PRUNE2: variants seen among roughly 807,000 people sequenced by gnomAD.
The protein encoded by PRUNE2 is prune homolog 2 with BCH domain.
A neutral mutation model predicts 252.0 loss-of-function variants in PRUNE2; 164 were observed. The observed-to-expected ratio is 0.65, with a 90% CI of 0.57 to 0.74. PRUNE2 has a LOEUF of 0.74. Among genes scored for constraint, PRUNE2 ranks in the 30% least tolerant of loss-of-function variants. The pLI is 0.00. For missense variants in PRUNE2, 3,495 were observed against 3,711.0 expected, an observed-to-expected ratio of 0.94 and a Z score of 1.51; for synonymous variants, 1,292 against 1,350.2, an observed-to-expected ratio of 0.96 and a Z score of 0.94.
At chr9:76,838,665 A>C (rs994123124) in intron 4 of PRUNE2, among the ~76,000 whole-genome samples, 3 of 144,970 alleles carry the variant, frequency 2.1e-5, no homozygotes, top group Admixed American at 1.4e-4. Flanking sequence ...AAAAAAAAAA[A>C]AAAACAAATA....
intron 4 of PRUNE2, among the ~76,000 whole-genome samples, chr9:76,845,909 A>C (rs1181245395): frequency 6.6e-6 from 1 of 152,236 alleles, no homozygotes; most frequent in Non-Finnish European, 1.5e-5. Flanking sequence ...CTTTGGAAGC[A>C]GGTGGCTCCA....
At chr9:76,730,410 AT>A (rs2048461447) in intron 6 of PRUNE2, among the ~76,000 whole-genome samples, 1 of 152,230 alleles carries the variant, frequency 6.6e-6, no homozygotes, top group Admixed American at 6.5e-5. Flanking sequence ...TAACCCACGC[AT>A]CTGTAACTTA....
At position 76,613,399 on chromosome 9, in the gene PRUNE2, GT is replaced by G. The variant is rs1457245894; in HGVS notation, c.*1170del. The G allele has an allele frequency of 6.6e-6, 1 of 152,172 alleles. No homozygotes were observed. Among genetic ancestry groups the G allele is most frequent in the African/African-American group, 2.4e-5 (1 of 41,442 alleles). 9.4% of individuals were successfully genotyped at this position (152,172 alleles called of 1,614,324 possible). A position where few individuals can be genotyped will look rare whatever the true frequency, so the allele number is the denominator to read the frequency against. On this transcript the variant is annotated 3_prime_UTR_variant, in exon 19 of 19. Coordinates refer to ENST00000376718, the MANE Select transcript of PRUNE2 (RefSeq NM_015225.3). Reference sequence around the variant, plus strand: ...GTAGCTGTAGACAGTACAAAAACAAGTTTGTGTGGCTGTGTTTCAGTACCAC... The same window carrying G: ...GTAGCTGTAGACAGTACAAAAACAAGTTGTGTGGCTGTGTTTCAGTACCAC...
At chr9:76,735,560 G>A (rs959579346) in intron 6 of PRUNE2, among the ~76,000 whole-genome samples, 2 of 151,840 alleles carry the variant, frequency 1.3e-5, no homozygotes, top group African/African-American at 4.8e-5. Context: ...AATAGCAGGA[G>A]TAACTGGAAG....
Position 76,865,271 on chromosome 9 carries a change from C to T in PRUNE2, c.37-11063G>A, listed in dbSNP as rs114107741. Reference sequence around the variant, plus strand: ...ACTGTGAAAGGCTGAGGCAGGAGGACTGCTTGAGGTCAGGAGTTCGAGACC... The same window carrying T: ...ACTGTGAAAGGCTGAGGCAGGAGGATTGCTTGAGGTCAGGAGTTCGAGACC... On this transcript the variant is annotated intron_variant, in intron 1 of 18. Transcript: ENST00000376718. 4.3e-3 allele frequency among the ~76,000 whole-genome samples: 662 copies of T among 152,262 alleles called. 2 individuals carry two copies. The highest frequency in any genetic ancestry group is 0.015 in the African/African-American group (633 of 41,552).
At chr9:76,733,777 A>T (rs1235375670) in intron 6 of PRUNE2, 1 of 152,146 alleles carries the variant, frequency 6.6e-6, no homozygotes, top group African/African-American at 2.4e-5. Flanking sequence ...AGGTAAGATA[A>T]TTAATTAATT....
intron 6 of PRUNE2, chr9:76,778,677 A>G (rs1465176059): frequency 6.6e-6 from 1 of 152,244 alleles, no homozygotes; most frequent in Non-Finnish European, 1.5e-5. Context: ...ACACAGTATG[A>G]TCTATAAAGT....
chr9:76,776,518 C>CTTTTTT (rs796197139), intron 6 of PRUNE2, among the ~76,000 whole-genome samples: 2 of 122,842 alleles, frequency 1.6e-5, no homozygotes, highest in African/African-American at 3.0e-5. Flanking sequence ...TTTCTTTTTT[C>CTTTTTT]TTTTTTTTTT....
chr9:76,670,485 A>G (rs700822), intron 9 of PRUNE2, among the ~76,000 whole-genome samples: 134,487 of 150,752 alleles, frequency 0.89, 61,398 homozygotes, highest in Non-Finnish European at 0.99. Context: ...AGGGGCGCCC[A>G]CCATTGCCCA....
intron 6 of PRUNE2, among the ~76,000 whole-genome samples, chr9:76,755,843 A>C (rs771515153): frequency 2.0e-5 from 3 of 152,136 alleles, no homozygotes; most frequent in Non-Finnish European, 2.9e-5. Context: ...CTGAGACCAC[A>C]GGTGCACGCC....
chr9:76,693,601 G>A (rs567963840), intron 9 of PRUNE2, among the ~76,000 whole-genome samples: 2 of 151,910 alleles, frequency 1.3e-5, no homozygotes, highest in East Asian at 1.9e-4. Context: ...GCACCACCAC[G>A]CCCAGCTAAT....
intron 11 of PRUNE2, among the ~76,000 whole-genome samples, chr9:76,646,873 AT>A (rs1291348275): frequency 1.3e-4 from 19 of 151,976 alleles, no homozygotes; most frequent in Non-Finnish European, 2.2e-4. Context: ...TTTTCTGCAA[AT>A]TTTATTAAAA....
chr9:76,896,235 A>T (rs2062814737), intron 1 of PRUNE2, among the ~76,000 whole-genome samples: 1 of 152,180 alleles, frequency 6.6e-6, no homozygotes, highest in East Asian at 1.9e-4. Context: ...GTGCACATTA[A>T]ATAATAACCT....
At chr9:76,853,136 T>C (rs2060060518) in intron 2 of PRUNE2, among the ~76,000 whole-genome samples, 2 of 152,224 alleles carry the variant, frequency 1.3e-5, no homozygotes, top group African/African-American at 2.4e-5. Context: ...CAACAAATTT[T>C]AAGATAAATT....
intron 9 of PRUNE2, among the ~76,000 whole-genome samples, chr9:76,677,123 T>C (rs2042730218): frequency 6.6e-6 from 1 of 152,266 alleles, no homozygotes; most frequent in African/African-American, 2.4e-5. Flanking sequence ...ATTCTATCCT[T>C]GCGTTGCAGT....
At chr9:76,614,938 T>C (rs1387047884) in intron 18 of PRUNE2, among the ~76,000 whole-genome samples, 2 of 152,222 alleles carry the variant, frequency 1.3e-5, no homozygotes, top group African/African-American at 2.4e-5. Context: ...AATCATGCCA[T>C]TTTATTTAAT....
At position 76,906,067 on chromosome 9, in the gene PRUNE2, C is replaced by T. The variant is rs2063478021; in HGVS notation, c.-104G>A. 2.4e-6 allele frequency: 3 copies of T among 1,233,544 alleles called. No homozygotes were observed. In the East Asian group the frequency reaches 7.1e-5, roughly 29 times the overall value. The allele number at this position is 1,233,544 out of a possible 1,614,324, so 76.4% of individuals were successfully genotyped here. A position where few individuals can be genotyped will look rare whatever the true frequency, so the allele number is the denominator to read the frequency against. Reference sequence around the variant, plus strand: ...CCCGGGAAAGTGGCCCGCCGGGGCGCAGCGACCGACTGCTCCCTCCTGCCG... The same window carrying T: ...CCCGGGAAAGTGGCCCGCCGGGGCGTAGCGACCGACTGCTCCCTCCTGCCG... On this transcript the variant is annotated 5_prime_UTR_variant, in exon 1 of 19. Transcript: ENST00000376718.
At chr9:76,831,536 A>G (rs2058676784) in intron 4 of PRUNE2, among the ~76,000 whole-genome samples, 1 of 152,058 alleles carries the variant, frequency 6.6e-6, no homozygotes, top group Non-Finnish European at 1.5e-5. Context: ...ATAGTAACAA[A>G]CTGAGGAGAG....
chr9:76,768,297 ATT>A (rs1234475753), intron 6 of PRUNE2, among the ~76,000 whole-genome samples: 1 of 152,066 alleles, frequency 6.6e-6, no homozygotes, highest in Non-Finnish European at 1.5e-5. Flanking sequence ...GGTTCAAACA[ATT>A]CTCCTACCTC....
Sources: gnomAD v4.1 joint callset for allele counts (sites outside exome capture counted in the v4.1 genomes callset) on GRCh38, gnomAD v4.1.1 for gene constraint, MANE v1.5 for transcripts, NCBI Gene and HGNC (gene_info 2026-07-23, HGNC 2026-07-21) for gene names.